Variants in WDR64 observed in about 807,000 individuals in gnomAD.
WDR64 encodes the protein WD repeat domain 64, also known as WD repeat-containing protein 64.
WDR64 carries 112 observed loss-of-function variants against 139.3 expected under a neutral mutation model. The ratio of observed to expected loss-of-function variants is 0.80; its 90% CI spans 0.69 to 0.94. The LOEUF is 0.94. Among genes scored for constraint, WDR64 ranks in the 40% least tolerant of loss-of-function variants. The pLI, the probability that WDR64 is intolerant of heterozygous loss-of-function variation, is 0.00. For synonymous variants in WDR64, 444 were observed against 437.7 expected, an observed-to-expected ratio of 1.01 and a Z score of -0.18; for missense variants, 1,206 against 1,293.1, an observed-to-expected ratio of 0.93 and a Z score of 1.03.
rs1574067226 is a variant in WDR64, at chr1:241,749,550, C to G, written c.1598C>G (p.Thr533Arg). The stretch of plus-strand genomic sequence containing the variant: ...GTCTTTTTCTCTGTATGCTCAGGAA[C>G]AGTCAGAATCTGGGACTTTGGCAGT... ...FLFATGAYNG[T>R]VRIWDFGSGQ... Residue 533 changes from threonine (T) to arginine (R), a missense_variant, in exon 14 of 28, where the codon ACA becomes AGA. By Grantham distance (71) the Thr-to-Arg change is moderately conservative (BLOSUM62 -1). Transcript: ENST00000437684. 1 of 1,613,894 alleles carries G rather than the reference C, an allele frequency of 6.2e-7. No homozygotes were observed. Among genetic ancestry groups the G allele is most frequent in the East Asian group, 2.2e-5 (1 of 44,868 alleles).
intron 10 of WDR64, among the ~76,000 whole-genome samples, chr1:241,738,073 TTA>T (rs1669393051): frequency 2.0e-5 from 3 of 152,162 alleles, no homozygotes; most frequent in Non-Finnish European, 2.9e-5. Context: ...CTCCACATTC[TTA>T]AAGAGTAATA....
intron 4 of WDR64, among the ~76,000 whole-genome samples, chr1:241,675,088 T>G (rs1666461396): frequency 1.3e-5 from 1 of 76,654 alleles, no homozygotes; most frequent in African/African-American, 5.6e-5. Context: ...CCTCCCTTCA[T>G]CCTTCCTCCC....
intron 10 of WDR64, among the ~76,000 whole-genome samples, chr1:241,729,641 T>C (rs187343311): frequency 2.0e-5 from 3 of 152,352 alleles, no homozygotes; most frequent in East Asian, 3.9e-4. Flanking sequence ...AAATATCATG[T>C]CATGCCCAAA....
intron 10 of WDR64, among the ~76,000 whole-genome samples, chr1:241,727,604 A>G (rs1668896611): frequency 6.6e-6 from 1 of 152,170 alleles, no homozygotes; most frequent in African/African-American, 2.4e-5. Flanking sequence ...TACTGTTCTG[A>G]GTTCTGAGTT....
intron 8 of WDR64, among the ~76,000 whole-genome samples, chr1:241,702,597 T>C (rs1420436237): frequency 6.6e-6 from 1 of 152,088 alleles, no homozygotes; most frequent in East Asian, 1.9e-4. Flanking sequence ...TGCACTGGTT[T>C]AAGCTTCCTG....
chr1:241,726,115 TG>T (rs1668828231), intron 10 of WDR64, among the ~76,000 whole-genome samples: 1 of 152,086 alleles, frequency 6.6e-6, no homozygotes, highest in African/African-American at 2.4e-5. Flanking sequence ...CTTGCTATGT[TG>T]CCCGAACTTC....
chr1:241,713,083 G>T (rs1034252100), intron 9 of WDR64, among the ~76,000 whole-genome samples: 3 of 151,988 alleles, frequency 2.0e-5, no homozygotes, highest in Middle Eastern at 6.8e-3. Flanking sequence ...GAGACAGGAG[G>T]ATCGCTTGAG....
In WDR64 at chr1:241,738,279, T is replaced by A. The variant is rs919037218; in HGVS notation, c.1195-84T>A. The stretch of plus-strand genomic sequence containing the variant: ...TGGTATAAGTTTATAAGAGTGTATT[T>A]CAAACTGAAAATGCTTCACCTAAAT... On this transcript the variant is annotated intron_variant, in intron 10 of 27. Transcript: ENST00000437684. The A allele has an allele frequency of 4.0e-6, 6 of 1,508,314 alleles. No homozygotes were observed. In the African/African-American group the frequency reaches 7.0e-5, roughly 18 times the overall value. The allele number at this position is 1,508,314 out of a possible 1,614,324, so 93.4% of individuals were successfully genotyped here. A position where few individuals can be genotyped will look rare whatever the true frequency, so the allele number is the denominator to read the frequency against.
At position 241,703,898 on chromosome 1, in the gene WDR64, A is replaced by G. The variant is rs985838657; in HGVS notation, c.975-7904A>G. Among the ~76,000 whole-genome samples the G allele has an allele frequency of 2.6e-5, 4 of 152,168 alleles. No homozygotes were observed. The highest frequency in any genetic ancestry group is 7.2e-5 in the African/African-American group (3 of 41,434). On this transcript the variant is annotated intron_variant, in intron 8 of 27. Transcript: ENST00000437684. This position sits in a 1 kb window ranked among gnomAD's most constrained non-coding sequence, Gnocchi z 5.9. ...AAAGAGGAACTTGCCAAACACTTATAAAATCATCAGATCTCATGAGAACTC... is the reference window on the plus strand; with the variant it reads ...AAAGAGGAACTTGCCAAACACTTATGAAATCATCAGATCTCATGAGAACTC...
chr1:241,794,513 T>TTTG (rs1553382963), intron 25 of WDR64, among the ~76,000 whole-genome samples: 1 of 141,518 alleles, frequency 7.1e-6, no homozygotes, highest in Non-Finnish European at 1.5e-5. Flanking sequence ...TGTTTTTTTT[T>TTTG]TTTTTTTTTT....
chr1:241,797,491 T>C (rs149006813), intron 27 of WDR64, among the ~76,000 whole-genome samples: 39 of 152,300 alleles, frequency 2.6e-4, no homozygotes, highest in African/African-American at 7.7e-4. Context: ...AGATTAAAAT[T>C]AAAAAGGAGT....
rs569907474 is a variant in WDR64, at chr1:241,717,114, A to G, written c.1054+5233A>G. 9.2e-5 allele frequency among the ~76,000 whole-genome samples: 14 copies of G among 152,302 alleles called. No homozygotes were observed. In the South Asian group the frequency reaches 2.9e-3, roughly 32 times the overall value. On this transcript the variant is annotated intron_variant, in intron 9 of 27. Transcript: ENST00000437684. The stretch of plus-strand genomic sequence containing the variant: ...TGTCTGAATAGCATGACACATCTTG[A>G]CAATTCCCAATGAAAAGCAAATGCA...
intron 8 of WDR64, among the ~76,000 whole-genome samples, chr1:241,704,179 T>C (rs1342632444): frequency 1.3e-5 from 2 of 152,170 alleles, no homozygotes; most frequent in Non-Finnish European, 2.9e-5. Context: ...CACTAAGGTG[T>C]CCTGGCCAAG....
At chr1:241,671,239 G>A (rs1338583694) in intron 3 of WDR64, 63 bp downstream of exon 3, 1 of 1,085,046 alleles carries the variant, frequency 9.2e-7, no homozygotes, top group Non-Finnish European at 1.3e-6. Flanking sequence ...AAGAATACTG[G>A]AACTATATTT....
At chr1:241,753,118 A>C (rs912480775) in intron 14 of WDR64, among the ~76,000 whole-genome samples, 34 of 152,202 alleles carry the variant, frequency 2.2e-4, no homozygotes, top group African/African-American at 8.2e-4. Flanking sequence ...AGCTTTAAAA[A>C]ATGGAAGGAC....
At chr1:241,796,979 A>G (rs1659386353) in intron 27 of WDR64, among the ~76,000 whole-genome samples, 1 of 152,204 alleles carries the variant, frequency 6.6e-6, no homozygotes, top group African/African-American at 2.4e-5. Flanking sequence ...GAGATTTGAC[A>G]CGACATAGAG....
chr1:241,687,205 G>A (rs780230139), intron 7 of WDR64, among the ~76,000 whole-genome samples: 35 of 151,546 alleles, frequency 2.3e-4, no homozygotes, highest in Non-Finnish European at 4.3e-4. Flanking sequence ...TCGGGAGGCT[G>A]AGGCAAGAGA....
At chr1:241,755,315 G>A (rs547404193) in intron 14 of WDR64, among the ~76,000 whole-genome samples, 5 of 152,314 alleles carry the variant, frequency 3.3e-5, no homozygotes, top group Admixed American at 6.5e-5. Flanking sequence ...TTTCTCTAAC[G>A]ACCAGTGATG....
intron 15 of WDR64, among the ~76,000 whole-genome samples, chr1:241,762,149 C>T (rs948827328): frequency 1.3e-5 from 2 of 152,088 alleles, no homozygotes; most frequent in African/African-American, 4.8e-5. Context: ...AAATGTATTT[C>T]TTAAATAATA....
Sources: allele counts gnomAD v4.1 joint callset (sites outside exome capture counted in the v4.1 genomes callset), GRCh38; gene constraint gnomAD v4.1.1; non-coding constraint Gnocchi (gnomAD v3.1); transcripts MANE v1.5; gene names NCBI Gene and HGNC (gene_info 2026-07-23, HGNC 2026-07-21).